The following CDK12 variants were observed in gnomAD, a reference collection of about 807,000 sequenced individuals.
The protein encoded by CDK12 is cyclin-dependent kinase 12.
Under a neutral mutation model 133.8 loss-of-function variants are expected in CDK12, and 17 were observed. The observed-to-expected ratio is 0.13, with a 90% CI of 0.09 to 0.19. The LOEUF is 0.19. Among genes scored for constraint, CDK12 ranks in the 10% least tolerant of loss-of-function variants. CDK12 has a pLI of 1.00. For synonymous variants in CDK12, 694 were observed against 683.6 expected (o/e 1.02, Z -0.24); for missense variants, 1,508 against 1,818.7 (o/e 0.83, Z 3.11).
At chr17:39,479,119 T>A (rs2050436080) in intron 2 of CDK12, among the ~76,000 whole-genome samples, 2 of 151,886 alleles carry the variant, frequency 1.3e-5, no homozygotes, top group South Asian at 4.2e-4. Context: ...CCATCCTGGC[T>A]AACACGATGA....
intron 2 of CDK12, among the ~76,000 whole-genome samples, chr17:39,553,631 T>C (rs1235487077): frequency 1.3e-5 from 2 of 152,160 alleles, no homozygotes; most frequent in East Asian, 3.9e-4. Flanking sequence ...CTCATTTCCA[T>C]GTGTCTATGT....
rs374387109 is a variant in CDK12 at position 39,557,864 on chromosome 17, G to A, written n.484+1451G>A. On this transcript the variant is annotated intron_variant and non_coding_transcript_variant, in intron 3 of 3. Coordinates refer to the CDK12 transcript ENST00000558240. ...AGCCCTGGGTTCCAGTGCCATCTCT[G>A]CCACTTACCAGCTGTGCTACCTTGG... 3.0e-4 allele frequency among the ~76,000 whole-genome samples: 46 copies of A among 152,266 alleles called. No homozygotes were observed. The East Asian group carries it at 6.4e-3, about 21-fold the overall frequency.
At chr17:39,486,441 A>AT (rs1310317887) in intron 2 of CDK12, among the ~76,000 whole-genome samples, 2 of 150,484 alleles carry the variant, frequency 1.3e-5, no homozygotes, top group East Asian at 1.9e-4. Context: ...AACTTTGTTT[A>AT]TTTTTTTTAG....
chr17:39,492,195 C>G (rs557593047), intron 3 of CDK12, among the ~76,000 whole-genome samples: 16 of 148,968 alleles, frequency 1.1e-4, no homozygotes, highest in African/African-American at 3.7e-4. Context: ...CTCCTGGGTT[C>G]AAGTGATTCT....
Position 39,461,515 on chromosome 17 carries a change from G to A in CDK12, c.-557G>A. On this transcript the variant is annotated 5_prime_UTR_variant, in exon 1 of 14. Coordinates refer to ENST00000447079, the MANE Select transcript of CDK12 (RefSeq NM_016507.4). The stretch of plus-strand genomic sequence containing the variant: ...GCCGTTTCGGTTTAATCTAGTGTGT[G>A]ACTGGGTCTGTGTGAGGGAGAGAGT... 1 of 237,282 alleles carries A rather than the reference G, an allele frequency of 4.2e-6. No homozygotes were observed. The highest frequency in any genetic ancestry group is 6.0e-5 in the East Asian group (1 of 16,770). 14.7% of individuals were successfully genotyped at this position (237,282 alleles called of 1,614,324 possible).
At position 39,494,837 on chromosome 17, in the gene CDK12, T is replaced by A. The variant is rs2051941876; in HGVS notation, c.2419+143T>A. ...CAGGCTGAACTGCAGTGGTGCGATT[T>A]CAGGTCACTGCAAGCTCCACCTCCT... On this transcript the variant is annotated intron_variant, in intron 5 of 13. Coordinates refer to ENST00000447079, the MANE Select transcript of CDK12 (RefSeq NM_016507.4). 4.8e-6 allele frequency: 3 copies of A among 625,268 alleles called. No homozygotes were observed. The African/African-American group carries it at 5.6e-5, about 12-fold the overall frequency. The allele number at this position is 625,268 out of a possible 1,614,324, so 38.7% of individuals were successfully genotyped here.
At chr17:39,512,949 G>A (rs2053585049) in intron 8 of CDK12, among the ~76,000 whole-genome samples, 1 of 151,996 alleles carries the variant, frequency 6.6e-6, no homozygotes, top group South Asian at 2.1e-4. Flanking sequence ...CCTTATTCTT[G>A]TTCAAACTGT....
Position 39,486,145 on chromosome 17 carries a change from G to A in CDK12, c.1932-4412G>A, listed in dbSNP as rs371864760. Among the ~76,000 whole-genome samples, 121 of 151,090 alleles carry A rather than the reference G, an allele frequency of 8.0e-4. 1 individual carries two copies. Among genetic ancestry groups the A allele is most frequent in the African/African-American group, 2.9e-3 (118 of 41,176 alleles). On this transcript the variant is annotated intron_variant, in intron 2 of 13. Coordinates refer to ENST00000447079, the MANE Select transcript of CDK12 (RefSeq NM_016507.4). ...TTTTTGTACTTTTAGTAGAGATGCG[G>A]TTTCACCATGTTGGCTAGGCTGGTC...
rs1213036458 is a variant in CDK12 at position 39,534,215 on chromosome 17, T to C, written c.*2899T>C. 1 of 232,848 alleles carries C rather than the reference T, an allele frequency of 4.3e-6. No individual in the cohort carries two copies. The highest frequency in any genetic ancestry group is 6.0e-5 in the East Asian group (1 of 16,634). The allele number at this position is 232,848 out of a possible 1,614,324, so 14.4% of individuals were successfully genotyped here. A position where few individuals can be genotyped will look rare whatever the true frequency, so the allele number is the denominator to read the frequency against. ...TTTAAAGCAGGGCAGTTAGCACAAA[T>C]TTGCAAGTAGAACTTCTATTAGCTT... On this transcript the variant is annotated 3_prime_UTR_variant, in exon 14 of 14. Transcript: ENST00000447079.
At chr17:39,562,902 CTTTTTT>C (rs59852699) in intron 3 of CDK12, among the ~76,000 whole-genome samples, 3 of 92,386 alleles carry the variant, frequency 3.2e-5, no homozygotes, top group South Asian at 4.1e-4. Flanking sequence ...TTTTTCTTTT[CTTTTTT>C]TTTTTTTTTT....
intron 2 of CDK12, among the ~76,000 whole-genome samples, chr17:39,481,216 G>T (rs1207875779): frequency 6.8e-6 from 1 of 147,582 alleles, no homozygotes; most frequent in Non-Finnish European, 1.5e-5. Flanking sequence ...TCACGCCATT[G>T]CACTCCAGCC....
intron 2 of CDK12, among the ~76,000 whole-genome samples, chr17:39,479,894 T>C (rs1417149203): frequency 6.7e-6 from 1 of 149,546 alleles, no homozygotes; most frequent in African/African-American, 2.5e-5. Flanking sequence ...CCCAAAGTCC[T>C]GGGATTACAG....
chr17:39,561,942 A>AT lies in CDK12; in HGVS notation n.485-2811dup, dbSNP rs201800544. Among the ~76,000 whole-genome samples the AT allele has an allele frequency of 1.1e-3, 161 of 152,054 alleles. 3 individuals are homozygous for AT. In the East Asian group the frequency reaches 0.023, roughly 22 times the overall value. Reference sequence around the variant, plus strand: ...GGAATGGGGACTATAAGGATTATTTATTTTTTTATTTTTTTGAGATGGAGT... The same window carrying AT: ...GGAATGGGGACTATAAGGATTATTTATTTTTTTTATTTTTTTGAGATGGAGT... On this transcript the variant is annotated intron_variant and non_coding_transcript_variant, in intron 3 of 3. Coordinates refer to the CDK12 transcript ENST00000558240.
chr17:39,507,577 C>T (rs1052285887), intron 6 of CDK12, among the ~76,000 whole-genome samples: 5 of 151,968 alleles, frequency 3.3e-5, no homozygotes, highest in Non-Finnish European at 7.4e-5. Context: ...GTGCTATCAG[C>T]AGGTTCTGTA....
chr17:39,490,133 G>A (rs185147512), intron 2 of CDK12, among the ~76,000 whole-genome samples: 1,808 of 151,772 alleles, frequency 0.012, 18 homozygotes, highest in Non-Finnish European at 0.019. Flanking sequence ...TTGGGAGGCC[G>A]AGGCACGTGG....
At chr17:39,516,928 G>T (rs140034710) in intron 9 of CDK12, among the ~76,000 whole-genome samples, 2,244 of 152,176 alleles carry the variant, frequency 0.015, 58 homozygotes, top group African/African-American at 0.051. Context: ...CTCCCAAAGT[G>T]CTGGGATTAC....
At chr17:39,528,558 C>T (rs1269205850) in intron 13 of CDK12, among the ~76,000 whole-genome samples, 2 of 152,206 alleles carry the variant, frequency 1.3e-5, no homozygotes, top group Non-Finnish European at 2.9e-5. Context: ...TGGTCTCTAA[C>T]TCCTGACCTC....
intron 13 of CDK12, chr17:39,530,350 A>G (rs1380654787): frequency 2.4e-6 from 1 of 418,702 alleles, no homozygotes; most frequent in Non-Finnish European, 4.1e-6. Context: ...AATGGAGGAA[A>G]TCTTAGACCA....
At chr17:39,477,503 G>A (rs770415136) in intron 2 of CDK12, among the ~76,000 whole-genome samples, 2 of 151,854 alleles carry the variant, frequency 1.3e-5, no homozygotes, top group Non-Finnish European at 2.9e-5. Context: ...CTCCCAAAGT[G>A]CTGGGATTAC....
Sources: allele counts gnomAD v4.1 joint callset (sites outside exome capture counted in the v4.1 genomes callset), GRCh38; gene constraint gnomAD v4.1.1; transcripts MANE v1.5; gene names NCBI Gene and HGNC (gene_info 2026-07-23, HGNC 2026-07-21).